Variants in ELOF1 observed in about 807,000 individuals in gnomAD.
ELOF1 encodes elongation factor 1.
ELOF1 carries 4 observed loss-of-function variants against 7.1 expected under a neutral mutation model. The ratio of observed to expected loss-of-function variants is 0.56; its 90% confidence interval spans 0.28 to 1.29. ELOF1 has a LOEUF of 1.29. Among genes scored for constraint, ELOF1 ranks in the 50% most tolerant of loss-of-function variants. ELOF1 has a pLI of 0.10. For missense variants in ELOF1, 59 were observed against 86.3 expected (o/e 0.68, Z 1.25); for synonymous variants, 31 against 31.9 (o/e 0.97, Z 0.09).
chr19:11,555,156 C>T, intron 1 of ELOF1: 1 of 240,920 alleles, frequency 4.2e-6, no homozygotes, highest in South Asian at 3.5e-5. Context: ...ACTCAGGAGG[C>T]TGAGGCAGGA....
At chr19:11,553,346 C>A in intron 3 of ELOF1, 1 of 452,558 alleles carries the variant, frequency 2.2e-6, no homozygotes, top group Admixed American at 3.6e-5. Flanking sequence ...TCCAGGATGT[C>A]AGGAAACAGT....
chr19:11,554,356 G>A (rs1972794341), exon 2 of ELOF1: 1 of 1,613,726 alleles, frequency 6.2e-7, no homozygotes, highest in Non-Finnish European at 8.5e-7. Flanking sequence ...ATGTCTGCAG[G>A]TGGATGAGCC....
intron 3 of ELOF1, chr19:11,553,641 C>T: frequency 1.6e-6 from 2 of 1,240,334 alleles, no homozygotes; most frequent in Non-Finnish European, 2.3e-6. Flanking sequence ...ACGGCTGTGA[C>T]AGCCCAGGAC....
chr19:11,554,344 C>A, exon 2 of ELOF1: 1 of 1,613,832 alleles, frequency 6.2e-7, no homozygotes, highest in South Asian at 1.1e-5. Flanking sequence ...TTTCTGCGCC[C>A]CATGTCTGCA....
chr19:11,555,256 CAAA>C (rs5827127), intron 1 of ELOF1: 244 of 87,554 alleles, frequency 2.8e-3, no homozygotes, highest in South Asian at 0.022. Context: ...GACTCCGTCT[CAAA>C]AAAAAAAAAA....
chr19:11,553,724 A>AGGGGGC (rs1555745520), intron 3 of ELOF1: 9 of 1,614,102 alleles, frequency 5.6e-6, no homozygotes, highest in Non-Finnish European at 7.6e-6. Flanking sequence ...GGGGCTGCTC[A>AGGGGGC]GGGGGCGGGT....
chr19:11,554,358 G>A lies in ELOF1; in HGVS notation c.-11C>T, dbSNP rs776866141. 11 of 1,613,650 alleles carry A rather than the reference G, an allele frequency of 6.8e-6. No individual in the cohort carries two copies. In the Admixed American group the frequency reaches 1.8e-4, roughly 27 times the overall value. ...CTTTCTGCGCCCCATGTCTGCAGGT[G>A]GATGAGCCTGTGGGGAGTGGCAGAT... On this transcript the variant is annotated 5_prime_UTR_variant, in exon 2 of 4. Coordinates refer to ENST00000586683, the Ensembl canonical transcript of ELOF1.
At chr19:11,554,765 G>A in intron 1 of ELOF1, 1 of 214,878 alleles carries the variant, frequency 4.7e-6, no homozygotes, top group Non-Finnish European at 9.1e-6. Context: ...AACATAGTGA[G>A]GCCTCATCTC....
In ELOF1 at chr19:11,553,544, C is replaced by A. The variant is rs1972764803; in HGVS notation, c.187+467G>T. On this transcript the variant is annotated intron_variant, in intron 3 of 3. Coordinates refer to ENST00000586683, the Ensembl canonical transcript of ELOF1. ...CAGTGACACGTGCAGCCACACACAC[C>A]CACACTCACTCACACCCACACCCAC... The A allele has an allele frequency of 6.1e-6, 4 of 652,052 alleles. No homozygotes were observed. In the East Asian group the frequency reaches 1.1e-4, roughly 18 times the overall value. The allele number at this position is 652,052 out of a possible 1,614,324, so 40.4% of individuals were successfully genotyped here. A position where few individuals can be genotyped will look rare whatever the true frequency, so the allele number is the denominator to read the frequency against.
chr19:11,553,422 G>A (rs1232823188), intron 3 of ELOF1: 2 of 511,256 alleles, frequency 3.9e-6, no homozygotes, highest in Non-Finnish European at 7.0e-6. Flanking sequence ...AGGGAACACA[G>A]CAAAGGCTTT....
At chr19:11,558,272 C>A (rs1418057951) in intron 1 of ELOF1, among the ~76,000 whole-genome samples, 2 of 152,008 alleles carry the variant, frequency 1.3e-5, no homozygotes, top group South Asian at 4.1e-4. Flanking sequence ...CGCGGCACCA[C>A]GCCCAGCTAA....
chr19:11,558,664 C>T (rs2145062490), intron 1 of ELOF1, among the ~76,000 whole-genome samples: 1 of 151,022 alleles, frequency 6.6e-6, no homozygotes, highest in South Asian at 2.1e-4. Flanking sequence ...GAGGTCGAGG[C>T]TGCAATGAGC....
At chr19:11,554,952 TA>T (rs74180029) in intron 1 of ELOF1, 210 of 97,084 alleles carry the variant, frequency 2.2e-3, no homozygotes, top group East Asian at 0.01. Flanking sequence ...AAACCCTGCA[TA>T]AAAAAAAAAA....
At chr19:11,554,315 A>C (rs780860283) in exon 2 of ELOF1, 5 of 1,613,600 alleles carry the variant, frequency 3.1e-6, no homozygotes, top group Non-Finnish European at 4.2e-6. Flanking sequence ...TCTTCTTGGG[A>C]GGCGGCTTTC....
Position 11,553,607 on chromosome 19 carries a change from A to ACACC in ELOF1, c.187+403_187+404insGGTG, listed in dbSNP as rs1457452798. ...TACACACACACACACACACACACAC[A>ACACC]CACACACACACACACACACACACAC... is the stretch of plus-strand genomic sequence containing the variant. On this transcript the variant is annotated intron_variant, in intron 3 of 3. Coordinates refer to ENST00000586683, the Ensembl canonical transcript of ELOF1. 27 of 715,890 alleles carry ACACC rather than the reference A, an allele frequency of 3.8e-5. No homozygotes were observed. The East Asian group carries it at 7.8e-4, about 21-fold the overall frequency. The allele number at this position is 715,890 out of a possible 1,614,324, so 44.3% of individuals were successfully genotyped here. A position where few individuals can be genotyped will look rare whatever the true frequency, so the allele number is the denominator to read the frequency against.
chr19:11,557,594 TAA>T (rs56991908), intron 1 of ELOF1, among the ~76,000 whole-genome samples: 36 of 78,032 alleles, frequency 4.6e-4, no homozygotes, highest in Admixed American at 7.6e-4. Context: ...AAACTTCATC[TAA>T]AAAAAAAAAA....
chr19:11,556,964 C>G (rs1972842878), intron 1 of ELOF1, among the ~76,000 whole-genome samples: 2 of 152,202 alleles, frequency 1.3e-5, no homozygotes. Context: ...CTGGATCACT[C>G]TCACACACTT....
chr19:11,553,954 G>T (rs773964581), intron 3 of ELOF1, 57 bp downstream of exon 3: 10 of 1,612,640 alleles, frequency 6.2e-6, no homozygotes, highest in Middle Eastern at 3.3e-4. Context: ...GATGAGCAGG[G>T]TCCGGACTCC....
In ELOF1 at chr19:11,553,582, T is replaced by TACACACACACAC. The variant is rs57015096; in HGVS notation, c.187+417_187+428dup. The TACACACACACAC allele has an allele frequency of 8.3e-4, 506 of 606,038 alleles. 2 individuals are homozygous for TACACACACACAC. The highest frequency in any genetic ancestry group is 5.1e-3 in the East Asian group (175 of 34,146). 37.5% of individuals were successfully genotyped at this position (606,038 alleles called of 1,614,324 possible). ...CACCCACACCCACACGCACACCCAC[T>TACACACACACAC]ACACACACACACACACACACACACA... is the stretch of plus-strand genomic sequence containing the variant. On this transcript the variant is annotated intron_variant, in intron 3 of 3. Coordinates refer to ENST00000586683, the Ensembl canonical transcript of ELOF1.
Sources: allele counts gnomAD v4.1 joint callset (sites outside exome capture counted in the v4.1 genomes callset), GRCh38; gene constraint gnomAD v4.1.1; transcripts MANE v1.5; gene names NCBI Gene and HGNC (gene_info 2026-07-23, HGNC 2026-07-21).